The following DIP2A variants were observed in gnomAD, a reference collection of about 807,000 sequenced individuals.
DIP2A encodes DIP2 acetate--CoA ligase A.
Under a neutral mutation model 177.4 loss-of-function variants are expected in DIP2A, and 85 were observed. That is an observed-to-expected ratio of 0.48 (90% CI 0.40 to 0.57). The LOEUF (loss-of-function observed/expected upper bound fraction) is 0.57. Ranked by LOEUF, DIP2A falls within the 20% of genes least tolerant of loss-of-function variation. The pLI is 0.00. For synonymous variants in DIP2A, 886 were observed against 881.8 expected, an observed-to-expected ratio of 1.00 and a Z score of -0.08; for missense variants, 1,791 against 2,100.2, an observed-to-expected ratio of 0.85 and a Z score of 2.88.
In DIP2A at chr21:46,459,008, T is replaced by A; in HGVS notation, c.-124T>A. On this transcript the variant is annotated 5_prime_UTR_variant, in exon 1 of 38. Coordinates refer to ENST00000417564, the MANE Select transcript of DIP2A (RefSeq NM_015151.4). ...CTGGCCGCGCCCCTGTCCCGCCGCCTCCCGCTCCTCGCCTGGCGGATGTAG... is the reference window on the plus strand; with the variant it reads ...CTGGCCGCGCCCCTGTCCCGCCGCCACCCGCTCCTCGCCTGGCGGATGTAG... The A allele has an allele frequency of 1.2e-6, 1 of 801,964 alleles. No homozygotes were observed. The highest frequency in any genetic ancestry group is 1.8e-6 in the Non-Finnish European group (1 of 566,172). 49.7% of individuals were successfully genotyped at this position (801,964 alleles called of 1,614,324 possible).
At chr21:46,579,440 G>A in the DIP2A span, among the ~76,000 whole-genome samples, 9 of 151,852 alleles carry the variant, frequency 5.9e-5, no homozygotes, top group South Asian at 2.1e-4. Context: ...GGTTTTTCAC[G>A]TCTCTGTTTC....
intron 18 of DIP2A, among the ~76,000 whole-genome samples, chr21:46,542,767 G>A (rs1424340462): frequency 6.6e-6 from 1 of 152,254 alleles, no homozygotes; most frequent in Non-Finnish European, 1.5e-5. Context: ...CTAGAGGCAG[G>A]ACCCCATCTG....
Position 46,541,876 on chromosome 21 carries a change from T to C in DIP2A, c.2157T>C (p.Val719=). 1 of 1,614,028 alleles carries C rather than the reference T, an allele frequency of 6.2e-7. No individual in the cohort carries two copies. The highest frequency in any genetic ancestry group is 8.5e-7 in the Non-Finnish European group (1 of 1,179,892). ...EKLSVLTVQD[V]GQVMPGANVC... ...TGTCAGTCCTTACTGTTCAGGACGTTGGTCAGGTGATGCCTGGAGGTAAGA... is the reference window on the plus strand; with the variant it reads ...TGTCAGTCCTTACTGTTCAGGACGTCGGTCAGGTGATGCCTGGAGGTAAGA... Residue 719 remains valine, a synonymous_variant, in exon 18 of 38, where the codon GTT becomes GTC. Transcript: ENST00000417564.
rs60346777 is a variant in DIP2A, at chr21:46,461,271, C to CAAAAAAAAAAAAAAAAA, written c.91+2055_91+2071dup. Reference sequence around the variant, plus strand: ...AGAGCGAGAACCTGTCTCTTCTCACCAAAAAAAAAAAAAAAAAAAAAAGGA... The same window carrying CAAAAAAAAAAAAAAAAA: ...AGAGCGAGAACCTGTCTCTTCTCACCAAAAAAAAAAAAAAAAAAAAAAAAAAAAAAAAAAAAAAAGGA... On this transcript the variant is annotated intron_variant, in intron 1 of 37. Coordinates refer to ENST00000417564, the MANE Select transcript of DIP2A (RefSeq NM_015151.4). Among the ~76,000 whole-genome samples, 413 of 49,296 alleles carry CAAAAAAAAAAAAAAAAA rather than the reference C, an allele frequency of 8.4e-3. 58 individuals are homozygous for CAAAAAAAAAAAAAAAAA. The highest frequency in any genetic ancestry group is 0.011 in the East Asian group (12 of 1,084). The allele number at this position is 49,296 out of a possible 152,430, so 32.3% of individuals were successfully genotyped here.
At chr21:46,503,655 CTTTCTTTCTTTTTCTTTCTTTCTTTCT>C (rs1277238429) in intron 5 of DIP2A, among the ~76,000 whole-genome samples, 3 of 40,362 alleles carry the variant, frequency 7.4e-5, no homozygotes, top group African/African-American at 5.3e-4. Context: ...CTTTCTTTTT[CTTTCTTTCTTTTTCTTTCTTTCTTTCT>C]TTTCTTTCTT....
At chr21:46,560,992 C>T (rs1569114610) in intron 33 of DIP2A, 1 of 985,408 alleles carries the variant, frequency 1.0e-6, no homozygotes, top group Non-Finnish European at 1.2e-6. Flanking sequence ...GCTGTGTGCC[C>T]CACTCCGGGC....
At chr21:46,465,388 CA>C (rs2054722791) in intron 1 of DIP2A, among the ~76,000 whole-genome samples, 1 of 150,268 alleles carries the variant, frequency 6.7e-6, no homozygotes, top group African/African-American at 2.5e-5. Flanking sequence ...ACCAACATGA[CA>C]AAACCCCGTT....
chr21:46,551,700 GGA>G lies in DIP2A; in HGVS notation c.2912_2913del (p.Glu971AlafsTer18). 1 of 1,614,022 alleles carries G rather than the reference GGA, an allele frequency of 6.2e-7. No homozygotes were observed. The highest frequency in any genetic ancestry group is 8.5e-7 in the Non-Finnish European group (1 of 1,179,898). ...GGGAAGAGAATCGCTCAGGCTTCCGGGAGAGAGCTCGCCCACCTGGAGGACAG... is the reference window on the plus strand; with the variant it reads ...GGGAAGAGAATCGCTCAGGCTTCCGGGAGAGCTCGCCCACCTGGAGGACAG... On this transcript the variant is annotated frameshift_variant, in exon 24 of 38. Coordinates refer to ENST00000417564, the MANE Select transcript of DIP2A (RefSeq NM_015151.4). LOFTEE classifies it high-confidence loss of function.
At chr21:46,566,157 C>G (rs1015673037) in intron 36 of DIP2A, among the ~76,000 whole-genome samples, 2 of 152,144 alleles carry the variant, frequency 1.3e-5, no homozygotes, top group Non-Finnish European at 2.9e-5. Flanking sequence ...GAGGCCAGAC[C>G]GGTCTCTCTG....
the DIP2A span, among the ~76,000 whole-genome samples, chr21:46,580,394 A>C: frequency 6.6e-6 from 1 of 152,118 alleles, no homozygotes; most frequent in African/African-American, 2.4e-5. Context: ...TTAACTGTTT[A>C]TCCAGCTTGC....
At chr21:46,509,884 A>G (rs1259183414) in intron 7 of DIP2A, among the ~76,000 whole-genome samples, 1 of 152,116 alleles carries the variant, frequency 6.6e-6, no homozygotes, top group African/African-American at 2.4e-5. Flanking sequence ...TGCTGGTCCT[A>G]CTCGCAGACC....
At chr21:46,577,190 C>T in the DIP2A span, among the ~76,000 whole-genome samples, 1 of 152,162 alleles carries the variant, frequency 6.6e-6, no homozygotes, top group African/African-American at 2.4e-5. Flanking sequence ...ATGTTTTCAT[C>T]ATGAAATCTC....
At chr21:46,558,666 A>G in intron 32 of DIP2A, 1 of 471,618 alleles carries the variant, frequency 2.1e-6, no homozygotes, top group Non-Finnish European at 3.8e-6. Flanking sequence ...GATATAAAAC[A>G]CAGCTAAGTT....
Position 46,464,817 on chromosome 21 carries a change from C to CTTTTTTTTTTTTT in DIP2A, c.91+5610_91+5622dup, listed in dbSNP as rs1168153777. ...TCTTCCTTTTTCTTAATATTCATGT[C>CTTTTTTTTTTTTT]TTTTTTTTTTTTTTTTTTTTTTTTT... On this transcript the variant is annotated intron_variant, in intron 1 of 37. Transcript: ENST00000417564. 6.7e-3 allele frequency among the ~76,000 whole-genome samples: 490 copies of CTTTTTTTTTTTTT among 73,398 alleles called. 78 individuals carry two copies. Among genetic ancestry groups the CTTTTTTTTTTTTT allele is most frequent in the East Asian group, 0.017 (46 of 2,640 alleles). The allele number at this position is 73,398 out of a possible 152,430, so 48.2% of individuals were successfully genotyped here.
chr21:46,551,818 G>T lies in DIP2A; in HGVS notation c.2950-6G>T. ...GCGCCAGTGAGCAAGTCGCCCTCTC[G>T]TGCAGTTCCTGTTCCTGGCTGACGT... On this transcript the variant is annotated splice_polypyrimidine_tract_variant and splice_region_variant and intron_variant, in intron 24 of 37. Coordinates refer to ENST00000417564, the MANE Select transcript of DIP2A (RefSeq NM_015151.4). 1 of 1,612,716 alleles carries T rather than the reference G, an allele frequency of 6.2e-7. No homozygotes were observed. The highest frequency in any genetic ancestry group is 8.5e-7 in the Non-Finnish European group (1 of 1,179,360).
At chr21:46,560,271 G>A (rs976939481) in intron 32 of DIP2A, among the ~76,000 whole-genome samples, 2 of 152,222 alleles carry the variant, frequency 1.3e-5, no homozygotes, top group African/African-American at 2.4e-5. Flanking sequence ...AAGGAAGAGA[G>A]TAGAAAGGTG....
chr21:46,488,396 T>C (rs1439338052), intron 2 of DIP2A, among the ~76,000 whole-genome samples: 1 of 152,106 alleles, frequency 6.6e-6, no homozygotes, highest in Non-Finnish European at 1.5e-5. Flanking sequence ...TGCGATAGGC[T>C]CCCTAGAAAT....
At chr21:46,576,792 T>G in the DIP2A span, among the ~76,000 whole-genome samples, 3 of 152,184 alleles carry the variant, frequency 2.0e-5, no homozygotes, top group Non-Finnish European at 2.9e-5. Context: ...ATCTGTTGTT[T>G]TTTGACGTTT....
At position 46,495,244 on chromosome 21, in the gene DIP2A, T is replaced by TTCTCTCTCTCTCTCTCTC. The variant is rs371550332; in HGVS notation, c.284-1726_284-1709dup. 2.7e-3 allele frequency among the ~76,000 whole-genome samples: 103 copies of TTCTCTCTCTCTCTCTCTC among 38,164 alleles called. 2 individuals carry two copies. Among genetic ancestry groups the TTCTCTCTCTCTCTCTCTC allele is most frequent in the East Asian group, 9.8e-3 (10 of 1,022 alleles). The allele number at this position is 38,164 out of a possible 152,430, so 25.0% of individuals were successfully genotyped here. A position where few individuals can be genotyped will look rare whatever the true frequency, so the allele number is the denominator to read the frequency against. ...CTTCTCTTCTCTTCTCTTCTCTTCT[T>TTCTCTCTCTCTCTCTCTC]TCTCTCTCTCTCTCTCTCTCTCTCT... On this transcript the variant is annotated intron_variant, in intron 3 of 37. Transcript: ENST00000417564.
Sources: gnomAD v4.1 joint callset for allele counts (sites outside exome capture counted in the v4.1 genomes callset) on GRCh38, gnomAD v4.1.1 for gene constraint, MANE v1.5 for transcripts, NCBI Gene and HGNC (gene_info 2026-07-23, HGNC 2026-07-21) for gene names.